Variants in RYR2 observed in about 807,000 individuals in gnomAD.
The protein encoded by RYR2 is cardiac muscle ryanodine receptor-calcium release channel.
A neutral mutation model predicts 601.1 loss-of-function variants in RYR2; 227 were observed. The ratio of observed to expected loss-of-function variants is 0.38; its 90% confidence interval spans 0.34 to 0.42. RYR2 has a LOEUF of 0.42. RYR2 is among the 10% of genes least tolerant of loss of function. The pLI, the probability that RYR2 is intolerant of heterozygous loss-of-function variation, is 1.00. For missense variants in RYR2, 4,646 were observed against 6,156.5 expected (o/e 0.75, Z 8.21); for synonymous variants, 2,223 against 2,175.1 (o/e 1.02, Z -0.61).
rs770338993 is a variant in RYR2 at position 237,631,568 on chromosome 1, A to C, written c.6555+27A>C. The C allele has an allele frequency of 3.6e-5, 42 of 1,175,476 alleles. 1 individual carries two copies. The South Asian group carries it at 3.7e-4, about 10-fold the overall frequency. 72.8% of individuals were successfully genotyped at this position (1,175,476 alleles called of 1,614,324 possible). On this transcript the variant is annotated intron_variant, in intron 42 of 104. Coordinates refer to ENST00000366574, the MANE Select transcript of RYR2 (RefSeq NM_001035.3). Reference sequence around the variant, plus strand: ...TAACGTCTTTGATTCCTGAGATGCTATTTAGTATCATCTCCTGGAGTATAT... The same window carrying C: ...TAACGTCTTTGATTCCTGAGATGCTCTTTAGTATCATCTCCTGGAGTATAT...
At chr1:237,404,492 C>T (rs151291451) in intron 10 of RYR2, among the ~76,000 whole-genome samples, 5 of 151,964 alleles carry the variant, frequency 3.3e-5, no homozygotes, top group Middle Eastern at 3.4e-3. Context: ...ATACTTAATC[C>T]ACAAGAAAGC....
chr1:237,550,420 AC>A, intron 26 of RYR2, 123 bp from the exon 27 acceptor site: 1 of 1,009,834 alleles, frequency 9.9e-7, no homozygotes, highest in Non-Finnish European at 1.5e-6. Context: ...GCCTGGGAAG[AC>A]GCATGGATTG....
At chr1:237,362,879 G>T (rs1365323714) in intron 4 of RYR2, among the ~76,000 whole-genome samples, 1 of 152,080 alleles carries the variant, frequency 6.6e-6, no homozygotes, top group Non-Finnish European at 1.5e-5. Context: ...ATTTTGTCGT[G>T]TATGCAGATT....
intron 10 of RYR2, among the ~76,000 whole-genome samples, chr1:237,405,812 G>T (rs1275881095): frequency 4.0e-5 from 6 of 151,164 alleles, no homozygotes; most frequent in Non-Finnish European, 8.8e-5. Context: ...TTGTGCTGTT[G>T]CTTTCAGATT....
chr1:237,133,319 A>G (rs566200523), intron 1 of RYR2, among the ~76,000 whole-genome samples: 1 of 152,262 alleles, frequency 6.6e-6, no homozygotes, highest in Non-Finnish European at 1.5e-5. Flanking sequence ...TACTTTCTTG[A>G]ATGTGATAAT....
In RYR2 at chr1:237,585,911, A is replaced by C. The variant is rs567455640; in HGVS notation, c.3599-3882A>C. ...TTTTATATTGCTTTTGAATATTTGG[A>C]AAATACACAGGAATATAATGAAAGT... On this transcript the variant is annotated intron_variant, in intron 29 of 104. Transcript: ENST00000366574. Among the ~76,000 whole-genome samples, 21 of 152,302 alleles carry C rather than the reference A, an allele frequency of 1.4e-4. No homozygotes were observed. The South Asian group carries it at 4.4e-3, about 32-fold the overall frequency.
At chr1:237,230,940 A>AAAAAAAAAAAG in intron 1 of RYR2, among the ~76,000 whole-genome samples, 1 of 151,836 alleles carries the variant, frequency 6.6e-6, no homozygotes, top group South Asian at 2.1e-4. Context: ...AAAAAAAAAA[A>AAAAAAAAAAAG]AGGATACTCC....
At chr1:237,523,249 T>G (rs1272449068) in intron 24 of RYR2, among the ~76,000 whole-genome samples, 1 of 152,198 alleles carries the variant, frequency 6.6e-6, no homozygotes, top group Non-Finnish European at 1.5e-5. Flanking sequence ...TAAAACTTTC[T>G]GTACTTCAAA....
rs1342947343 is a variant in RYR2 at position 237,818,885 on chromosome 1, C to T, written c.14434-151C>T. ...CAAAAGCCAAATGTTTGCTTCACAA[C>T]TAGAAATACTGAAACAAAAAGAGGC... On this transcript the variant is annotated intron_variant, in intron 100 of 104. Transcript: ENST00000366574. 4.6e-6 allele frequency: 3 copies of T among 653,498 alleles called. No homozygotes were observed. In the East Asian group the frequency reaches 8.4e-5, roughly 18 times the overall value. The allele number at this position is 653,498 out of a possible 1,614,324, so 40.5% of individuals were successfully genotyped here. A position where few individuals can be genotyped will look rare whatever the true frequency, so the allele number is the denominator to read the frequency against.
chr1:237,431,792 A>T (rs1192365884), intron 12 of RYR2, among the ~76,000 whole-genome samples: 2 of 152,134 alleles, frequency 1.3e-5, no homozygotes, highest in Non-Finnish European at 2.9e-5. Context: ...CCTGACACTT[A>T]GTGGGGATTG....
At chr1:237,072,614 G>A (rs1305859626) in intron 1 of RYR2, among the ~76,000 whole-genome samples, 2 of 152,030 alleles carry the variant, frequency 1.3e-5, no homozygotes, top group South Asian at 2.1e-4. Context: ...TTGGAAACTC[G>A]TATTTAATCT....
At chr1:237,574,876 G>C (rs989652970) in intron 29 of RYR2, among the ~76,000 whole-genome samples, 1 of 152,176 alleles carries the variant, frequency 6.6e-6, no homozygotes, top group Non-Finnish European at 1.5e-5. Context: ...GAAACCCTGA[G>C]CAGAGAACCC....
intron 13 of RYR2, among the ~76,000 whole-genome samples, chr1:237,444,205 C>G (rs1398007108): frequency 1.3e-5 from 2 of 152,064 alleles, no homozygotes; most frequent in African/African-American, 4.8e-5. Flanking sequence ...GTTTATAAAT[C>G]TTTTCTAGTA....
At chr1:237,809,685 AC>A (rs1661051635) in intron 100 of RYR2, among the ~76,000 whole-genome samples, 1 of 152,152 alleles carries the variant, frequency 6.6e-6, no homozygotes, top group African/African-American at 2.4e-5. Context: ...TCACGAAAAT[AC>A]CTACATCATT....
intron 10 of RYR2, among the ~76,000 whole-genome samples, chr1:237,402,512 AAAAT>A (rs1355748825): frequency 2.0e-5 from 3 of 152,204 alleles, no homozygotes; most frequent in Admixed American, 6.5e-5. Flanking sequence ...CTAAAACTAA[AAAAT>A]AAATAACTTA....
chr1:237,573,338 C>A (rs562297267), intron 29 of RYR2, among the ~76,000 whole-genome samples: 5 of 151,916 alleles, frequency 3.3e-5, no homozygotes, highest in Admixed American at 3.3e-4. Flanking sequence ...GCTTAGTAGA[C>A]AACATGGCCA....
chr1:237,174,309 A>G (rs144923298), intron 1 of RYR2, among the ~76,000 whole-genome samples: 63 of 152,302 alleles, frequency 4.1e-4, no homozygotes, highest in Middle Eastern at 6.8e-3. Flanking sequence ...TAGTGGCAAC[A>G]TTAAAGAAAT....
intron 1 of RYR2, among the ~76,000 whole-genome samples, chr1:237,130,327 A>G (rs766642396): frequency 6.6e-6 from 1 of 152,138 alleles, no homozygotes. Context: ...TGTGTTTGGG[A>G]TTGGTTCCCT....
intron 12 of RYR2, among the ~76,000 whole-genome samples, chr1:237,428,590 C>T (rs1706451819): frequency 6.6e-6 from 1 of 151,474 alleles, no homozygotes; most frequent in Non-Finnish European, 1.5e-5. Flanking sequence ...CACACCAGGG[C>T]CTCTCGGTGG....
Sources: gnomAD v4.1 joint callset for allele counts (sites outside exome capture counted in the v4.1 genomes callset) on GRCh38, gnomAD v4.1.1 for gene constraint, MANE v1.5 for transcripts, NCBI Gene and HGNC (gene_info 2026-07-23, HGNC 2026-07-21) for gene names.